CDH12: variants seen among roughly 807,000 people sequenced by gnomAD.
CDH12 encodes the protein cadherin 12.
Under a neutral mutation model 74.1 loss-of-function variants are expected in CDH12, and 41 were observed. The observed-to-expected ratio is 0.55, with a 90% confidence interval of 0.43 to 0.72. The LOEUF is 0.72. Among genes scored for constraint, CDH12 ranks in the 30% least tolerant of loss-of-function variants. The pLI is 0.00. For synonymous variants in CDH12, 399 were observed against 355.0 expected, an observed-to-expected ratio of 1.12 and a Z score of -1.39; for missense variants, 945 against 977.2, an observed-to-expected ratio of 0.97 and a Z score of 0.44.
intron 3 of CDH12, among the ~76,000 whole-genome samples, chr5:22,293,301 C>T (rs1265486095): frequency 6.6e-6 from 1 of 152,080 alleles, no homozygotes; most frequent in Non-Finnish European, 1.5e-5. Context: ...TGTGCTCTTG[C>T]AGTGACCAGA....
intron 3 of CDH12, among the ~76,000 whole-genome samples, chr5:22,372,184 C>A (rs1460431616): frequency 2.6e-5 from 4 of 152,090 alleles, no homozygotes; most frequent in African/African-American, 9.7e-5. Context: ...TGACCAGAAG[C>A]AGCCAGTGTA....
chr5:22,756,390 A>C (rs2127045905), intron 1 of CDH12, among the ~76,000 whole-genome samples: 1 of 152,254 alleles, frequency 6.6e-6, no homozygotes, highest in Non-Finnish European at 1.5e-5. Context: ...CATAAAAAAT[A>C]TTTCATATAA....
At chr5:22,593,430 G>C (rs1736443617) in intron 1 of CDH12, among the ~76,000 whole-genome samples, 1 of 152,006 alleles carries the variant, frequency 6.6e-6, no homozygotes, top group Non-Finnish European at 1.5e-5. Flanking sequence ...TGTTTTCCCT[G>C]TTTTACTTAA....
chr5:22,804,372 T>C (rs927511059), intron 1 of CDH12, among the ~76,000 whole-genome samples: 10 of 152,262 alleles, frequency 6.6e-5, no homozygotes, highest in Middle Eastern at 6.8e-3. Context: ...AATAAAGCTG[T>C]TAATTCTGCC....
chr5:21,832,787 TC>T (rs1352866682), intron 8 of CDH12, among the ~76,000 whole-genome samples: 69 of 108,108 alleles, frequency 6.4e-4, no homozygotes, highest in African/African-American at 3.0e-3. Flanking sequence ...TTAATATATA[TC>T]ATATAATATA....
chr5:22,813,507 T>C (rs1044889199), intron 1 of CDH12, among the ~76,000 whole-genome samples: 4 of 152,186 alleles, frequency 2.6e-5, no homozygotes, highest in African/African-American at 4.8e-5. Flanking sequence ...TCCACACCTT[T>C]GGTGATCCCT....
intron 5 of CDH12, among the ~76,000 whole-genome samples, chr5:22,004,549 C>T (rs373941140): frequency 2.0e-5 from 3 of 152,168 alleles, no homozygotes; most frequent in East Asian, 1.9e-4. Flanking sequence ...TGTTCCCATA[C>T]CTAGAGAGCT....
At chr5:22,074,750 C>G (rs1033387333) in intron 5 of CDH12, among the ~76,000 whole-genome samples, 1 of 152,094 alleles carries the variant, frequency 6.6e-6, no homozygotes, top group African/African-American at 2.4e-5. Context: ...CAAATCAAAA[C>G]CACAATGAGA....
intron 6 of CDH12, among the ~76,000 whole-genome samples, chr5:21,898,918 T>A (rs1753254721): frequency 1.3e-5 from 2 of 152,042 alleles, no homozygotes; most frequent in African/African-American, 4.8e-5. Flanking sequence ...GAGAAGGAAT[T>A]TATGAGGGAA....
At chr5:21,990,852 T>C (rs1421076597) in intron 5 of CDH12, among the ~76,000 whole-genome samples, 2 of 151,750 alleles carry the variant, frequency 1.3e-5, no homozygotes, top group African/African-American at 4.8e-5. Flanking sequence ...TTAAACCAGG[T>C]CATCTAACCC....
chr5:22,667,195 C>T (rs1740668830), intron 1 of CDH12, among the ~76,000 whole-genome samples: 1 of 152,150 alleles, frequency 6.6e-6, no homozygotes, highest in Non-Finnish European at 1.5e-5. Context: ...TCTTTAATTT[C>T]TGCATTCTAG....
chr5:22,720,952 C>A (rs750421048), intron 1 of CDH12, among the ~76,000 whole-genome samples: 1 of 152,206 alleles, frequency 6.6e-6, no homozygotes, highest in Non-Finnish European at 1.5e-5. Context: ...TTCAGCCTAA[C>A]CATGTGGTAG....
At chr5:22,789,091 C>G (rs1313509126) in intron 1 of CDH12, among the ~76,000 whole-genome samples, 5 of 150,788 alleles carry the variant, frequency 3.3e-5, no homozygotes, top group South Asian at 4.2e-4. Context: ...TTGAAATTGG[C>G]CTAAAATAAA....
At chr5:22,228,261 C>T (rs1287606201) in intron 3 of CDH12, among the ~76,000 whole-genome samples, 2 of 151,910 alleles carry the variant, frequency 1.3e-5, no homozygotes, top group East Asian at 3.9e-4. Context: ...AACATAGATG[C>T]AAATACAAAA....
intron 6 of CDH12, among the ~76,000 whole-genome samples, chr5:21,909,685 C>T (rs1366551719): frequency 6.6e-6 from 1 of 151,888 alleles, no homozygotes. Context: ...ATTAATGATG[C>T]AAAATAAACA....
intron 1 of CDH12, among the ~76,000 whole-genome samples, chr5:22,829,031 G>A (rs1484154171): frequency 6.6e-6 from 1 of 152,114 alleles, no homozygotes; most frequent in East Asian, 1.9e-4. Flanking sequence ...CAAAGTGGCA[G>A]CCTCAAAAGG....
chr5:22,633,188 C>T (rs560677256), intron 1 of CDH12, among the ~76,000 whole-genome samples: 1 of 151,868 alleles, frequency 6.6e-6, no homozygotes, highest in Admixed American at 6.6e-5. Context: ...CCACAAAAAC[C>T]ATCTAATGGG....
chr5:21,764,198 C>T (rs1294817226), intron 12 of CDH12, among the ~76,000 whole-genome samples: 1 of 151,988 alleles, frequency 6.6e-6, no homozygotes, highest in Non-Finnish European at 1.5e-5. Context: ...CATGGTGAAA[C>T]CCCGTCTCTA....
intron 1 of CDH12, among the ~76,000 whole-genome samples, chr5:22,762,181 T>A (rs1746262208): frequency 6.6e-6 from 1 of 152,096 alleles, no homozygotes; most frequent in Non-Finnish European, 1.5e-5. Context: ...CAAACTCACA[T>A]GCATCTATGT....
Sources: gnomAD v4.1 joint callset for allele counts (sites outside exome capture counted in the v4.1 genomes callset) on GRCh38, gnomAD v4.1.1 for gene constraint, MANE v1.5 for transcripts, NCBI Gene and HGNC (gene_info 2026-07-23, HGNC 2026-07-21) for gene names.